Variants in CARMIL1 observed in about 807,000 individuals in gnomAD.
CARMIL1 encodes the protein capping protein regulator and myosin 1 linker 1, also known as F-actin-uncapping protein LRRC16A.
In CARMIL1, 90 loss-of-function variants were observed where a neutral mutation model predicts 177.1. The observed-to-expected ratio is 0.51, with a 90% confidence interval of 0.43 to 0.61. CARMIL1 has a LOEUF of 0.61. Among genes scored for constraint, CARMIL1 ranks in the 20% least tolerant of loss-of-function variants. CARMIL1 has a pLI of 0.00. For missense variants in CARMIL1, 1,380 were observed against 1,667.0 expected, an observed-to-expected ratio of 0.83 and a Z score of 3.00; for synonymous variants, 577 against 606.2, an observed-to-expected ratio of 0.95 and a Z score of 0.71.
intron 2 of CARMIL1, among the ~76,000 whole-genome samples, chr6:25,305,824 G>T (rs994387252): frequency 6.6e-6 from 1 of 152,194 alleles, no homozygotes; most frequent in Admixed American, 6.5e-5. Flanking sequence ...GCTGCCTGGT[G>T]GGGAAAGTGA....
At chr6:25,408,902 G>A (rs1051603716) in intron 2 of CARMIL1, among the ~76,000 whole-genome samples, 1 of 152,078 alleles carries the variant, frequency 6.6e-6, no homozygotes, top group Non-Finnish European at 1.5e-5. Context: ...AGAGTGCTAG[G>A]CACAGTACTT....
intron 11 of CARMIL1, among the ~76,000 whole-genome samples, chr6:25,477,096 A>C (rs1041810845): frequency 6.7e-4 from 101 of 151,812 alleles, no homozygotes; most frequent in East Asian, 7.7e-4. Context: ...TCAAAAAAAA[A>C]AAAAAACAAA....
chr6:25,618,114 G>C (rs1021312493), intron 36 of CARMIL1, among the ~76,000 whole-genome samples: 1 of 151,948 alleles, frequency 6.6e-6, no homozygotes, highest in African/African-American at 2.4e-5. Flanking sequence ...AATTTTTATT[G>C]TCTAAATACC....
chr6:25,294,313 C>T (rs979933585), intron 2 of CARMIL1, among the ~76,000 whole-genome samples: 4 of 152,140 alleles, frequency 2.6e-5, no homozygotes, highest in African/African-American at 4.8e-5. Context: ...GTATATCCAC[C>T]AGACAGGATC....
chr6:25,286,972 T>C (rs914622036), intron 2 of CARMIL1, among the ~76,000 whole-genome samples: 1 of 152,238 alleles, frequency 6.6e-6, no homozygotes, highest in Non-Finnish European at 1.5e-5. Flanking sequence ...TCCCCAAATA[T>C]GGAATCTAAG....
intron 11 of CARMIL1, among the ~76,000 whole-genome samples, chr6:25,475,998 C>T (rs1363265581): frequency 1.3e-5 from 2 of 152,248 alleles, no homozygotes; most frequent in East Asian, 3.8e-4. Context: ...TCTGTCTCCC[C>T]TTCCTTCTTT....
At chr6:25,452,078 T>C in intron 8 of CARMIL1, 1 of 675,286 alleles carries the variant, frequency 1.5e-6, no homozygotes, top group Non-Finnish European at 2.7e-6. Flanking sequence ...CCTGAAGAGC[T>C]CTAGCCAACT....
At chr6:25,610,525 G>C (rs1816420371) in intron 36 of CARMIL1, among the ~76,000 whole-genome samples, 1 of 152,116 alleles carries the variant, frequency 6.6e-6, no homozygotes, top group Non-Finnish European at 1.5e-5. Context: ...ATAGATTTCT[G>C]AGTCCTATTA....
chr6:25,452,301 A>G (rs1582001520), intron 8 of CARMIL1: 2 of 749,332 alleles, frequency 2.7e-6, no homozygotes, highest in Non-Finnish European at 4.9e-6. Flanking sequence ...AAATTTAGAC[A>G]AGATGTTTCC....
intron 2 of CARMIL1, among the ~76,000 whole-genome samples, chr6:25,368,050 G>A (rs1384421921): frequency 1.3e-5 from 2 of 152,092 alleles, no homozygotes; most frequent in African/African-American, 2.4e-5. Context: ...GTGAGCCACC[G>A]CACCCGGCTG....
intron 16 of CARMIL1, among the ~76,000 whole-genome samples, chr6:25,495,722 C>T (rs1372963438): frequency 6.6e-6 from 1 of 152,108 alleles, no homozygotes; most frequent in East Asian, 1.9e-4. Context: ...TATTTGGCAG[C>T]CAACTTATGG....
chr6:25,491,873 G>T, intron 14 of CARMIL1, 64 bp downstream of exon 14: 1 of 1,529,868 alleles, frequency 6.5e-7, no homozygotes, highest in Non-Finnish European at 9.0e-7. Flanking sequence ...TAGATGGGAT[G>T]TAGGGGACCT....
At chr6:25,521,261 T>G (rs1250246366) in intron 23 of CARMIL1, among the ~76,000 whole-genome samples, 1 of 152,148 alleles carries the variant, frequency 6.6e-6, no homozygotes, top group African/African-American at 2.4e-5. Context: ...TTCAGCAGGC[T>G]TGGGGGGAAG....
intron 31 of CARMIL1, among the ~76,000 whole-genome samples, chr6:25,585,544 T>C (rs962159058): frequency 1.3e-5 from 2 of 151,846 alleles, no homozygotes; most frequent in African/African-American, 4.8e-5. Context: ...TATTTTTTTA[T>C]TTATTTTTTA....
At chr6:25,345,593 G>T (rs898574224) in intron 2 of CARMIL1, among the ~76,000 whole-genome samples, 4 of 152,070 alleles carry the variant, frequency 2.6e-5, no homozygotes, top group African/African-American at 9.7e-5. Flanking sequence ...ACTTACTTAA[G>T]AGAAGACATT....
chr6:25,450,822 TCCCTCCCCTTCCCTCCCCTC>T, intron 8 of CARMIL1, 111 bp downstream of exon 8: 1 of 15,894 alleles, frequency 6.3e-5, no homozygotes, highest in Admixed American at 1.3e-3. Flanking sequence ...CCCCTCCCCT[TCCCTCCCCTTCCCTCCCCTC>T]CCCTTCCCTC....
chr6:25,299,742 G>A (rs1225451147), intron 2 of CARMIL1, among the ~76,000 whole-genome samples: 6 of 151,850 alleles, frequency 4.0e-5, no homozygotes, highest in Non-Finnish European at 5.9e-5. Flanking sequence ...TTGGGAGGCC[G>A]AGGCGAGCGG....
At chr6:25,459,267 T>TTTCTTTCTTTCCTTTC (rs1491449277) in intron 8 of CARMIL1, among the ~76,000 whole-genome samples, 1 of 109,468 alleles carries the variant, frequency 9.1e-6, no homozygotes, top group African/African-American at 3.4e-5. Context: ...TCTTTCTTTC[T>TTTCTTTCTTTCCTTTC]TTTTTTTTTT....
chr6:25,302,599 A>C (rs1013310981), intron 2 of CARMIL1, among the ~76,000 whole-genome samples: 2 of 152,206 alleles, frequency 1.3e-5, no homozygotes, highest in Admixed American at 1.3e-4. Flanking sequence ...CTTGAGTACA[A>C]ATTTTAAGCC....
Sources: allele counts gnomAD v4.1 joint callset (sites outside exome capture counted in the v4.1 genomes callset), GRCh38; gene constraint gnomAD v4.1.1; transcripts MANE v1.5; gene names NCBI Gene and HGNC (gene_info 2026-07-23, HGNC 2026-07-21).